The following ANGEL1 variants were observed in gnomAD, a reference collection of about 807,000 sequenced individuals.
The protein encoded by ANGEL1 is RNA 2',3'-cyclic phosphatase ANGEL1.
A neutral mutation model predicts 76.4 loss-of-function variants in ANGEL1; 62 were observed. The observed-to-expected ratio is 0.81, with a 90% CI of 0.66 to 1.00. The LOEUF (loss-of-function observed/expected upper bound fraction) is 1.00. Ranked by LOEUF, ANGEL1 falls within the 50% of genes least tolerant of loss-of-function variation. ANGEL1 has a pLI of 0.00. For synonymous variants in ANGEL1, 340 were observed against 331.7 expected (o/e 1.03, Z -0.27); for missense variants, 737 against 836.7 (o/e 0.88, Z 1.47).
chr14:76,791,401 C>G lies in ANGEL1; in HGVS notation c.1619-35G>C, dbSNP rs200052331. The G allele has an allele frequency of 1.3e-4, 201 of 1,596,226 alleles. No homozygotes were observed. In the African/African-American group the frequency reaches 2.6e-3, roughly 21 times the overall value. On this transcript the variant is annotated intron_variant, in intron 7 of 9. Coordinates refer to ENST00000251089, the MANE Select transcript of ANGEL1 (RefSeq NM_015305.4). ...ACCAGAGAGAAAAACATTTTCTCAT[C>G]CACAGACAGTGAAGCAGGATCAGAA...
At chr14:76,791,569 C>T (rs898036893) in intron 7 of ANGEL1, among the ~76,000 whole-genome samples, 13 of 152,156 alleles carry the variant, frequency 8.5e-5, no homozygotes, top group Non-Finnish European at 1.9e-4. Flanking sequence ...GGGCATCTAA[C>T]ACAGACATTG....
rs746576515 is a variant in ANGEL1, at chr14:76,809,188, A to C, written c.520T>G (p.Trp174Gly). The change falls in exon 2 of 10, where the codon TGG (tryptophan) becomes GGG (glycine). Residue 174 changes from tryptophan to glycine, a missense_variant. Trp to Gly is a radical substitution (Grantham distance 184). Coordinates refer to ENST00000251089, the MANE Select transcript of ANGEL1 (RefSeq NM_015305.4). ...GCCAACACCGCTGGGTCCTCTTCCC[A>C]CTGCTCTGTGGCCAGGGCACCCACT... ...LPVGALATEQWEEDPAVLAWS... is the reference protein window; with the variant it reads ...LPVGALATEQGEEDPAVLAWS... The C allele has an allele frequency of 5.6e-6, 9 of 1,613,788 alleles. No individual in the cohort carries two copies. The South Asian group carries it at 8.8e-5, about 16-fold the overall frequency.
chr14:76,797,575 G>A (rs971509929), intron 7 of ANGEL1, among the ~76,000 whole-genome samples: 21 of 152,242 alleles, frequency 1.4e-4, no homozygotes, highest in Admixed American at 9.8e-4. Flanking sequence ...ACTCCAGCCC[G>A]GGTGACAGAG....
At chr14:76,806,995 C>G in intron 4 of ANGEL1, 146 bp from the exon 5 acceptor site, 1 of 921,092 alleles carries the variant, frequency 1.1e-6, no homozygotes, top group Non-Finnish European at 1.6e-6. Flanking sequence ...CTTGGTTCAG[C>G]AGGTTCCCCC....
chr14:76,791,620 TA>T (rs373023265), intron 7 of ANGEL1, among the ~76,000 whole-genome samples: 7 of 150,970 alleles, frequency 4.6e-5, no homozygotes, highest in Admixed American at 2.6e-4. Context: ...TTAATTTGAT[TA>T]AAAAAAAATA....
intron 8 of ANGEL1, 81 bp downstream of exon 8, chr14:76,791,210 GTCAACC>G: frequency 7.0e-7 from 1 of 1,436,636 alleles, no homozygotes; most frequent in Non-Finnish European, 9.7e-7. Context: ...GCTCCCCCAA[GTCAACC>G]TCAGGACAAC....
At chr14:76,812,269 T>G (rs1271377109) in intron 1 of ANGEL1, 3 of 989,078 alleles carry the variant, frequency 3.0e-6, no homozygotes, top group African/African-American at 3.5e-5. Context: ...GAGCGAGAGC[T>G]GCCAGGTGGC....
chr14:76,806,296 A>G (rs1256138725), intron 5 of ANGEL1, 120 bp downstream of exon 5: 2 of 1,053,128 alleles, frequency 1.9e-6, no homozygotes, highest in East Asian at 2.6e-5. Context: ...TAACAAGAAA[A>G]AGGAGGAGCA....
At chr14:76,804,138 T>C in intron 5 of ANGEL1, 1 of 1,438,310 alleles carries the variant, frequency 7.0e-7, no homozygotes, top group African/African-American at 1.4e-5. Context: ...GGAGGAGGGG[T>C]AAGAGACTGA....
At chr14:76,812,410 C>T (rs2140234920) in intron 1 of ANGEL1, 1 of 1,104,940 alleles carries the variant, frequency 9.1e-7, no homozygotes, top group Admixed American at 5.1e-5. Flanking sequence ...GCTACTACCC[C>T]TTCCCGACCC....
chr14:76,793,408 A>AGGGG (rs1224403645), intron 7 of ANGEL1, among the ~76,000 whole-genome samples: 2 of 19,794 alleles, frequency 1.0e-4, no homozygotes, highest in Non-Finnish European at 2.1e-4. Flanking sequence ...GAGAGGGGAT[A>AGGGG]AAAGGAAAGA....
chr14:76,810,220 G>A (rs767811289), intron 1 of ANGEL1: 2 of 454,814 alleles, frequency 4.4e-6, no homozygotes, highest in South Asian at 3.1e-5. Context: ...CCAGGAGTTA[G>A]AGACCAGCCT....
chr14:76,800,489 CAAG>C (rs1555361229), intron 7 of ANGEL1, among the ~76,000 whole-genome samples: 2 of 152,216 alleles, frequency 1.3e-5, no homozygotes, highest in Non-Finnish European at 2.9e-5. Context: ...TAAATTCTTA[CAAG>C]AAGAGAATAA....
chr14:76,795,449 A>G (rs1286533762), intron 7 of ANGEL1, among the ~76,000 whole-genome samples: 2 of 152,190 alleles, frequency 1.3e-5, no homozygotes, highest in Non-Finnish European at 2.9e-5. Context: ...GGAGAACATT[A>G]GAGTCTGCAG....
Position 76,786,508 on chromosome 14 carries a change from G to A in ANGEL1, c.*2720C>T, listed in dbSNP as rs1207966856. On this transcript the variant is annotated 3_prime_UTR_variant, in exon 10 of 10. Transcript: ENST00000251089. ...ATCAATTGAGGGGATCGCAACCCAG[G>A]TAGTGCAATGGAAGCAACCAAGTGG... 1 of 152,218 alleles carries A rather than the reference G, an allele frequency of 6.6e-6. No homozygotes were observed. Among genetic ancestry groups the A allele is most frequent in the African/African-American group, 2.4e-5 (1 of 41,434 alleles). 9.4% of individuals were successfully genotyped at this position (152,218 alleles called of 1,614,324 possible).
chr14:76,794,660 G>T (rs1262461107), intron 7 of ANGEL1, among the ~76,000 whole-genome samples: 3 of 143,280 alleles, frequency 2.1e-5, no homozygotes, highest in Non-Finnish European at 3.0e-5. Flanking sequence ...AACGGAGCGA[G>T]ACTCCATCTC....
intron 5 of ANGEL1, among the ~76,000 whole-genome samples, chr14:76,805,306 T>C (rs764815442): frequency 1.2e-4 from 19 of 152,196 alleles, no homozygotes; most frequent in Non-Finnish European, 2.2e-4. Context: ...TCAAAGCAAG[T>C]GCTCTCATTC....
At chr14:76,812,701 C>G in intron 1 of ANGEL1, 63 bp downstream of exon 1, 3 of 1,450,212 alleles carry the variant, frequency 2.1e-6, no homozygotes. Context: ...GCCCCAGGCC[C>G]GCGGAGCCCC....
intron 7 of ANGEL1, among the ~76,000 whole-genome samples, chr14:76,798,323 T>C (rs188141533): frequency 6.6e-6 from 1 of 152,078 alleles, no homozygotes; most frequent in Admixed American, 6.6e-5. Context: ...GATGGGGTTT[T>C]GCTATGTTGC....
Sources: allele counts gnomAD v4.1 joint callset (sites outside exome capture counted in the v4.1 genomes callset), GRCh38; gene constraint gnomAD v4.1.1; transcripts MANE v1.5; gene names NCBI Gene and HGNC (gene_info 2026-07-23, HGNC 2026-07-21).